Variants in AMD1 observed in about 807,000 individuals in gnomAD.
The protein encoded by AMD1 is S-adenosylmethionine decarboxylase proenzyme.
A neutral mutation model predicts 40.2 loss-of-function variants in AMD1; 11 were observed. That is an observed-to-expected ratio of 0.27 (90% CI 0.17 to 0.45). The LOEUF (loss-of-function observed/expected upper bound fraction) is 0.45, where lower values mean the gene tolerates loss of function less well. AMD1 is among the 20% of genes least tolerant of loss of function. The probability of loss-of-function intolerance (pLI) is 1.00; values close to 1 mark genes in which losing one functional copy is unlikely to be tolerated. For synonymous variants in AMD1, 121 were observed against 130.8 expected (o/e 0.93, Z 0.51); for missense variants, 257 against 410.2 (o/e 0.63, Z 3.23).
At chr6:110,892,564 G>A in intron 6 of AMD1, 121 bp downstream of exon 6, 1 of 1,458,334 alleles carries the variant, frequency 6.9e-7, no homozygotes, top group Admixed American at 1.9e-5. Flanking sequence ...AGGTAAACTT[G>A]TGTCATGGGG....
chr6:110,848,687 C>T, the AMD1 span: 1 of 363,796 alleles, frequency 2.7e-6, no homozygotes, highest in Non-Finnish European at 5.1e-6. Flanking sequence ...ATACCTGAGA[C>T]AGTTAACTGA....
At position 110,895,690 on chromosome 6, in the gene AMD1, T is replaced by C. The variant is rs1254282679; in HGVS notation, c.*2074T>C. On this transcript the variant is annotated 3_prime_UTR_variant, in exon 9 of 9. Transcript: ENST00000368885. Reference sequence around the variant, plus strand: ...CACAATTTACGCTTCAATAAAAGTTTAATTGTCTAGTGACATTCAGAAACT... The same window carrying C: ...CACAATTTACGCTTCAATAAAAGTTCAATTGTCTAGTGACATTCAGAAACT... 6 of 152,666 alleles carry C rather than the reference T, an allele frequency of 3.9e-5. No homozygotes were observed. Among genetic ancestry groups the C allele is most frequent in the African/African-American group, 7.2e-5 (3 of 41,460 alleles). The allele number at this position is 152,666 out of a possible 1,614,324, so 9.5% of individuals were successfully genotyped here.
At chr6:110,880,415 CAT>C (rs1358346841) in intron 1 of AMD1, among the ~76,000 whole-genome samples, 1 of 152,150 alleles carries the variant, frequency 6.6e-6, no homozygotes, top group Non-Finnish European at 1.5e-5. Flanking sequence ...TATTGTATGT[CAT>C]ATCCAAGAAA....
chr6:110,861,826 G>C, the AMD1 span, among the ~76,000 whole-genome samples: 1 of 151,786 alleles, frequency 6.6e-6, no homozygotes, highest in African/African-American at 2.4e-5. Context: ...ACTTGCTCTT[G>C]CAACAGAGCA....
chr6:110,884,871 A>G (rs1785600579), intron 1 of AMD1, among the ~76,000 whole-genome samples: 1 of 152,214 alleles, frequency 6.6e-6, no homozygotes, highest in South Asian at 2.1e-4. Flanking sequence ...AAAAAGGAGT[A>G]TGTGCAAGAA....
At chr6:110,837,745 AATATATATATAT>A in the AMD1 span, among the ~76,000 whole-genome samples, 1 of 17,838 alleles carries the variant, frequency 5.6e-5, no homozygotes, top group Non-Finnish European at 9.6e-5. Flanking sequence ...AAAAAAAAAA[AATATATATATAT>A]ATATATATAT....
At chr6:110,862,470 A>ATT in the AMD1 span, among the ~76,000 whole-genome samples, 5,122 of 119,910 alleles carry the variant, frequency 0.043, 124 homozygotes, top group Middle Eastern at 0.085. Context: ...CTATTTACTT[A>ATT]TTTTTTTTTT....
Position 110,894,988 on chromosome 6 carries a change from C to G in AMD1, c.*1372C>G, listed in dbSNP as rs554404357. 6.6e-6 allele frequency: 1 copy of G among 152,100 alleles called. No homozygotes were observed. Among genetic ancestry groups the G allele is most frequent in the African/African-American group, 2.4e-5 (1 of 41,410 alleles). 9.4% of individuals were successfully genotyped at this position (152,100 alleles called of 1,614,324 possible). On this transcript the variant is annotated 3_prime_UTR_variant, in exon 9 of 9. Coordinates refer to ENST00000368885, the MANE Select transcript of AMD1 (RefSeq NM_001634.6). ...AATAGAATAATAAAATTCCAAAATA[C>G]TCAATGGGAAATGACTAGTAATATA... is the stretch of plus-strand genomic sequence containing the variant.
At chr6:110,829,881 G>C in the AMD1 span, among the ~76,000 whole-genome samples, 50,340 of 151,838 alleles carry the variant, frequency 0.33, 9,502 homozygotes, top group East Asian at 0.68. Context: ...TAATTTTTCT[G>C]AGAACCCTGA....
the AMD1 span, among the ~76,000 whole-genome samples, chr6:110,850,091 A>C: frequency 6.6e-6 from 1 of 152,062 alleles, no homozygotes; most frequent in Non-Finnish European, 1.5e-5. Flanking sequence ...GACCCAGAGA[A>C]GTTCCACAAT....
chr6:110,852,581 A>T, the AMD1 span, among the ~76,000 whole-genome samples: 2 of 152,148 alleles, frequency 1.3e-5, no homozygotes, highest in Non-Finnish European at 2.9e-5. Flanking sequence ...ACCTCCTTCA[A>T]CAACTGGGAA....
chr6:110,815,157 G>T, the AMD1 span: 4 of 1,567,900 alleles, frequency 2.6e-6, no homozygotes, highest in Non-Finnish European at 3.5e-6. Context: ...CCCCATAGAG[G>T]CACGGGACGC....
the AMD1 span, among the ~76,000 whole-genome samples, chr6:110,828,452 G>C: frequency 8.3e-4 from 126 of 151,268 alleles, no homozygotes; most frequent in Non-Finnish European, 6.5e-4. Context: ...AAGAAAGAAA[G>C]AAAAGAAAAG....
At chr6:110,861,437 T>A in the AMD1 span, among the ~76,000 whole-genome samples, 1 of 149,980 alleles carries the variant, frequency 6.7e-6, no homozygotes, top group Non-Finnish European at 1.5e-5. Flanking sequence ...GGTGGGAGGA[T>A]CACTTGAACC....
intron 8 of AMD1, 108 bp from the exon 9 acceptor site, chr6:110,893,368 C>T (rs1301497285): frequency 2.8e-6 from 4 of 1,445,046 alleles, no homozygotes; most frequent in Non-Finnish European, 3.8e-6. Context: ...GCTAAAATAA[C>T]TCAGATGTCT....
At chr6:110,860,870 C>G in the AMD1 span, among the ~76,000 whole-genome samples, 41,958 of 141,570 alleles carry the variant, frequency 0.3, 6,389 homozygotes, top group East Asian at 0.46. Flanking sequence ...CACACACACA[C>G]AGAGAGAGAG....
At chr6:110,831,444 A>AT in the AMD1 span, among the ~76,000 whole-genome samples, 2 of 152,010 alleles carry the variant, frequency 1.3e-5, no homozygotes, top group Non-Finnish European at 2.9e-5. Context: ...GTCTCAAAAA[A>AT]AAAAAAAAAG....
chr6:110,850,980 T>G, the AMD1 span, among the ~76,000 whole-genome samples: 1 of 152,208 alleles, frequency 6.6e-6, no homozygotes, highest in African/African-American at 2.4e-5. Flanking sequence ...ATTTTATTTT[T>G]TGAGATGGAG....
the AMD1 span, among the ~76,000 whole-genome samples, chr6:110,841,791 T>TTTTA: frequency 3.8e-3 from 583 of 151,744 alleles, 3 homozygotes; most frequent in South Asian, 6.2e-3. Flanking sequence ...ATTTGTTTTA[T>TTTTA]TTTATTTATT....
Sources: gnomAD v4.1 joint callset for allele counts (sites outside exome capture counted in the v4.1 genomes callset) on GRCh38, gnomAD v4.1.1 for gene constraint, MANE v1.5 for transcripts, NCBI Gene and HGNC (gene_info 2026-07-23, HGNC 2026-07-21) for gene names.